The following ANKRD27 variants were observed in gnomAD, a reference collection of about 807,000 sequenced individuals.
ANKRD27 encodes ankyrin repeat domain 27, also known as ankyrin repeat domain-containing protein 27.
A neutral mutation model predicts 129.7 loss-of-function variants in ANKRD27; 112 were observed. The observed-to-expected ratio is 0.86, with a 90% confidence interval of 0.74 to 1.01. ANKRD27 has a LOEUF of 1.01. Among genes scored for constraint, ANKRD27 ranks in the 50% least tolerant of loss-of-function variants. The pLI is 0.00. For missense variants in ANKRD27, 1,258 were observed against 1,300.5 expected, an observed-to-expected ratio of 0.97 and a Z score of 0.50; for synonymous variants, 516 against 511.2, an observed-to-expected ratio of 1.01 and a Z score of -0.13.
intron 1 of ANKRD27, among the ~76,000 whole-genome samples, chr19:32,665,602 G>T (rs922319337): frequency 6.6e-6 from 1 of 152,030 alleles, no homozygotes; most frequent in African/African-American, 2.4e-5. Flanking sequence ...TGGGACTACA[G>T]GCGCCCACCA....
intron 20 of ANKRD27, among the ~76,000 whole-genome samples, chr19:32,618,054 G>A (rs563406615): frequency 1.8e-4 from 27 of 152,120 alleles, no homozygotes; most frequent in African/African-American, 6.0e-4. Context: ...CACCACGCCC[G>A]GCTGATTTAG....
intron 22 of ANKRD27, chr19:32,608,395 G>T: frequency 2.8e-6 from 1 of 355,974 alleles, no homozygotes; most frequent in Non-Finnish European, 5.7e-6. Flanking sequence ...CAAAGGCGAC[G>T]AGATTCACTT....
chr19:32,651,335 C>G (rs555619099), intron 2 of ANKRD27, among the ~76,000 whole-genome samples: 1 of 152,062 alleles, frequency 6.6e-6, no homozygotes, highest in African/African-American at 2.4e-5. Flanking sequence ...AAGGAAGGGC[C>G]GTGGCTGGAG....
Position 32,598,050 on chromosome 19 carries a change from T to G in ANKRD27, c.*95A>C, listed in dbSNP as rs924691203. ...CTGAAGACTTCTCAAGCCAGTCTCA[T>G]GGAAGCACATTTAGTTCTCAGATGT... On this transcript the variant is annotated 3_prime_UTR_variant, in exon 29 of 29. Transcript: ENST00000306065. The G allele has an allele frequency of 3.4e-6, 4 of 1,187,894 alleles. No individual in the cohort carries two copies. The highest frequency in any genetic ancestry group is 4.9e-6 in the Non-Finnish European group (4 of 813,296). The allele number at this position is 1,187,894 out of a possible 1,614,324, so 73.6% of individuals were successfully genotyped here.
rs539738721 is a variant in ANKRD27 at position 32,660,964 on chromosome 19, G to A, written c.-30-1919C>T. ...TGTAATCACAGCACCTGGGGAGGATGAGGTAGGAGGATCACTTGAGGTCAA... is the reference window on the plus strand; with the variant it reads ...TGTAATCACAGCACCTGGGGAGGATAAGGTAGGAGGATCACTTGAGGTCAA... On this transcript the variant is annotated intron_variant, in intron 1 of 28. Transcript: ENST00000306065. Among the ~76,000 whole-genome samples the A allele has an allele frequency of 2.6e-5, 4 of 152,142 alleles. No individual in the cohort carries two copies. In the East Asian group the frequency reaches 7.8e-4, roughly 29 times the overall value.
Position 32,628,744 on chromosome 19 carries a change from C to T in ANKRD27, c.1315G>A (p.Asp439Asn). 1 of 1,614,098 alleles carries T rather than the reference C, an allele frequency of 6.2e-7. No homozygotes were observed. Among genetic ancestry groups the T allele is most frequent in the Non-Finnish European group, 8.5e-7 (1 of 1,179,990 alleles). Residue 439 changes from aspartate to asparagine, a missense_variant, in exon 14 of 29, where the codon GAC (aspartate) becomes AAC (asparagine). Coordinates refer to ENST00000306065, the MANE Select transcript of ANKRD27 (RefSeq NM_032139.3). ...TACCCAGAGACGAGTTTCTCACAGT[C>T]ATCGCAGAAGCAGAGAGGGTGACAC... ...KMCHPLCFCD[D>N]CEKLVSGRLN...
rs978795121 is a variant in ANKRD27 at position 32,664,493 on chromosome 19, A to C, written c.-30-5448T>G. 7.2e-4 allele frequency among the ~76,000 whole-genome samples: 109 copies of C among 151,544 alleles called. 2 individuals carry two copies. The highest frequency in any genetic ancestry group is 7.9e-4 in the Admixed American group (12 of 15,170). ...AATTAGCCAGGTATGATGGCAGGTG[A>C]CTGTAATTCCAGCTACTTGGGAGGC... is the stretch of plus-strand genomic sequence containing the variant. On this transcript the variant is annotated intron_variant, in intron 1 of 28. Coordinates refer to ENST00000306065, the MANE Select transcript of ANKRD27 (RefSeq NM_032139.3).
At chr19:32,674,309 T>C (rs1323020208) in intron 1 of ANKRD27, among the ~76,000 whole-genome samples, 2 of 152,044 alleles carry the variant, frequency 1.3e-5, no homozygotes, top group Non-Finnish European at 2.9e-5. Flanking sequence ...AGCCTCACAG[T>C]CCCTCCAGCA....
At chr19:32,627,172 T>G (rs1375120945) in intron 15 of ANKRD27, among the ~76,000 whole-genome samples, 1 of 152,056 alleles carries the variant, frequency 6.6e-6, no homozygotes, top group Non-Finnish European at 1.5e-5. Context: ...TATTCTTGCA[T>G]AGTGCTAGGA....
In ANKRD27 at chr19:32,644,505, C is replaced by A. The variant is rs779602485; in HGVS notation, c.371-26G>T. 3.1e-6 allele frequency: 5 copies of A among 1,607,016 alleles called. No individual in the cohort carries two copies. In the South Asian group the frequency reaches 4.4e-5, roughly 14 times the overall value. ...CTGAAAAAGAAACAAACAGGTCAGG[C>A]CGGCTGAAGCCTCTGCTGGTTCCTG... is the stretch of plus-strand genomic sequence containing the variant. On this transcript the variant is annotated intron_variant, in intron 4 of 28. Transcript: ENST00000306065.
Position 32,631,414 on chromosome 19 carries a change from G to T in ANKRD27, c.1197C>A (p.Asp399Glu). Residue 399 changes from aspartate to glutamate, a missense_variant, in exon 13 of 29, where the codon GAC (aspartate) becomes GAA (glutamate). Asp to Glu is a conservative substitution (Grantham distance 45). Coordinates refer to ENST00000306065, the MANE Select transcript of ANKRD27 (RefSeq NM_032139.3). ...LLSQMTSSPT[D>E]CLFKHIASGN... is the part of the protein sequence containing the mutation. ...CTTGGTATCTCACCTTAAACAGGCA[G>T]TCGGTGGGAGACGAAGTCATCTGAG... is the stretch of plus-strand genomic sequence containing the variant. 1.2e-6 allele frequency: 2 copies of T among 1,614,010 alleles called. No individual in the cohort carries two copies. Among genetic ancestry groups the T allele is most frequent in the Non-Finnish European group, 1.7e-6 (2 of 1,179,888 alleles).
chr19:32,603,963 GACTCTATGTAACT>G (rs1011925675), intron 25 of ANKRD27, among the ~76,000 whole-genome samples: 3 of 152,280 alleles, frequency 2.0e-5, no homozygotes, highest in African/African-American at 7.2e-5. Context: ...CTGAGTGCCT[GACTCTATGTAACT>G]ACCGGACCAC....
At chr19:32,641,994 C>T (rs780738324) in intron 10 of ANKRD27, 30 bp downstream of exon 10, 5 of 1,541,504 alleles carry the variant, frequency 3.2e-6, no homozygotes, top group Non-Finnish European at 8.8e-7. Flanking sequence ...AGCATCTACC[C>T]CTTGGCCAGT....
chr19:32,630,099 T>C (rs192763100), intron 13 of ANKRD27, among the ~76,000 whole-genome samples: 83 of 152,164 alleles, frequency 5.5e-4, no homozygotes, highest in Non-Finnish European at 1.1e-3. Context: ...TATTATTATT[T>C]TTATACTTGC....
chr19:32,659,739 T>C (rs1271850766), intron 1 of ANKRD27, among the ~76,000 whole-genome samples: 2 of 152,042 alleles, frequency 1.3e-5, no homozygotes, highest in African/African-American at 4.8e-5. Context: ...TTGCCTCAGA[T>C]TTTCTTTTAA....
In ANKRD27 at chr19:32,639,396, A is replaced by G; in HGVS notation, c.1076T>C (p.Ile359Thr). 6.2e-7 allele frequency: 1 copy of G among 1,614,236 alleles called. No individual in the cohort carries two copies. Among genetic ancestry groups the G allele is most frequent in the Middle Eastern group, 1.6e-4 (1 of 6,062 alleles). The change falls in exon 12 of 29, where the codon ATT (isoleucine) becomes ACT (threonine). Residue 359 changes from isoleucine to threonine, a missense_variant. Ile to Thr is a moderately conservative substitution (Grantham distance 89, BLOSUM62 -1). Coordinates refer to ENST00000306065, the MANE Select transcript of ANKRD27 (RefSeq NM_032139.3). Reference protein sequence around the residue: ...GYCLTSFEAAIEYIRQGSLSA... With the variant: ...GYCLTSFEAATEYIRQGSLSA... ...GAGGCTTCCTTGCCGAATATATTCA[A>G]TGGCAGCTTCGAATGAGGTCAGGCA...
chr19:32,607,657 G>A lies in ANKRD27; in HGVS notation c.2351C>T (p.Ala784Val). The change falls in exon 23 of 29, where the codon GCC becomes GTC. Residue 784 changes from alanine to valine, a missense_variant. Physicochemically the swap from Ala to Val is moderately conservative, Grantham distance 64. Coordinates refer to ENST00000306065, the MANE Select transcript of ANKRD27 (RefSeq NM_032139.3). ...AACCTGAAAGTGGCCCTGCTGGCAGGCCAGGTGGAGCGGGACGGCTTGGTC... is the reference window on the plus strand; with the variant it reads ...AACCTGAAAGTGGCCCTGCTGGCAGACCAGGTGGAGCGGGACGGCTTGGTC... ...NADQAVPLHL[A>V]CQQGHFQVVK... The A allele has an allele frequency of 6.2e-7, 1 of 1,611,546 alleles. No individual in the cohort carries two copies. The highest frequency in any genetic ancestry group is 8.5e-7 in the Non-Finnish European group (1 of 1,179,572).
At chr19:32,611,563 T>C (rs2145265859) in intron 22 of ANKRD27, among the ~76,000 whole-genome samples, 1 of 152,268 alleles carries the variant, frequency 6.6e-6, no homozygotes, top group East Asian at 1.9e-4. Context: ...CACCACTCTA[T>C]CTATTTTATA....
intron 12 of ANKRD27, chr19:32,638,904 G>A (rs994433371): frequency 3.5e-4 from 75 of 216,942 alleles, no homozygotes; most frequent in African/African-American, 1.6e-3. Context: ...AGCACAAGCC[G>A]AGCGCAGCCT....
Sources: allele counts gnomAD v4.1 joint callset (sites outside exome capture counted in the v4.1 genomes callset), GRCh38; gene constraint gnomAD v4.1.1; transcripts MANE v1.5; gene names NCBI Gene and HGNC (gene_info 2026-07-23, HGNC 2026-07-21).